The following AGBL4 variants were observed in gnomAD, a reference collection of about 807,000 sequenced individuals.
AGBL4 encodes the protein cytosolic carboxypeptidase 6.
In AGBL4, 58 loss-of-function variants were observed where a neutral mutation model predicts 66.4. The observed-to-expected ratio is 0.87, with a 90% CI of 0.71 to 1.09. The LOEUF is 1.09. Ranked by LOEUF, AGBL4 falls within the 50% of genes least tolerant of loss-of-function variation. The probability of loss-of-function intolerance (pLI) is 0.00; values close to 1 mark genes in which losing one functional copy is unlikely to be tolerated. For missense variants in AGBL4, 579 were observed against 631.0 expected (o/e 0.92, Z 0.88); for synonymous variants, 234 against 222.9 (o/e 1.05, Z -0.44).
At chr1:49,099,575 T>A (rs959011303) in intron 4 of AGBL4, among the ~76,000 whole-genome samples, 3 of 152,198 alleles carry the variant, frequency 2.0e-5, no homozygotes, top group Admixed American at 1.3e-4. Context: ...ATTACCAGAA[T>A]AACTTTGCCA....
intron 3 of AGBL4, among the ~76,000 whole-genome samples, chr1:49,697,069 G>T (rs1646999466): frequency 6.6e-6 from 1 of 152,038 alleles, no homozygotes; most frequent in Non-Finnish European, 1.5e-5. Flanking sequence ...TCATGCTAAT[G>T]CTTCAATCAG....
chr1:48,732,692 A>G (rs1017511352), intron 6 of AGBL4, among the ~76,000 whole-genome samples: 1 of 152,142 alleles, frequency 6.6e-6, no homozygotes, highest in Admixed American at 6.5e-5. Flanking sequence ...GAAGTGTGGT[A>G]TAAGATGAGG....
At chr1:48,688,851 G>T (rs1646576327) in intron 6 of AGBL4, among the ~76,000 whole-genome samples, 1 of 151,830 alleles carries the variant, frequency 6.6e-6, no homozygotes. Context: ...AAGAGGGAAG[G>T]GGAGCCTGTG....
At chr1:49,581,928 G>A (rs895572552) in intron 3 of AGBL4, among the ~76,000 whole-genome samples, 8 of 152,188 alleles carry the variant, frequency 5.3e-5, no homozygotes, top group African/African-American at 1.9e-4. Flanking sequence ...AGCAGCAGTG[G>A]TGAAGTGTTC....
intron 4 of AGBL4, among the ~76,000 whole-genome samples, chr1:49,215,977 G>A (rs1230977605): frequency 1.3e-5 from 2 of 152,088 alleles, no homozygotes. Context: ...AGTAGATACA[G>A]TATAAAACAT....
chr1:49,340,929 A>T (rs1645527517), intron 3 of AGBL4, among the ~76,000 whole-genome samples: 1 of 152,212 alleles, frequency 6.6e-6, no homozygotes, highest in Non-Finnish European at 1.5e-5. Context: ...AGTAATATAG[A>T]TTCCTGTGGA....
At chr1:49,887,082 G>A (rs1295024542) in intron 1 of AGBL4, among the ~76,000 whole-genome samples, 1 of 151,514 alleles carries the variant, frequency 6.6e-6, no homozygotes, top group Non-Finnish European at 1.5e-5. Flanking sequence ...CCTTCAAGGA[G>A]TATAGGCAAG....
chr1:48,693,880 G>A (rs566062759), intron 6 of AGBL4, among the ~76,000 whole-genome samples: 3 of 152,184 alleles, frequency 2.0e-5, no homozygotes, highest in African/African-American at 7.2e-5. Context: ...TACTGGGCAG[G>A]GCTCCAGGGG....
At chr1:49,419,866 G>C (rs2148640264) in intron 3 of AGBL4, among the ~76,000 whole-genome samples, 1 of 152,256 alleles carries the variant, frequency 6.6e-6, no homozygotes, top group East Asian at 1.9e-4. Flanking sequence ...GCTTAGGAGG[G>C]GATAGGATCC....
intron 1 of AGBL4, among the ~76,000 whole-genome samples, chr1:49,939,000 A>G (rs1159263704): frequency 6.6e-6 from 1 of 152,094 alleles, no homozygotes; most frequent in Non-Finnish European, 1.5e-5. Flanking sequence ...CAACTTCAGC[A>G]AAGTCTCAGG....
At chr1:48,974,988 T>C (rs4926778) in intron 5 of AGBL4, among the ~76,000 whole-genome samples, 1,668 of 152,212 alleles carry the variant, frequency 0.011, 54 homozygotes, top group Admixed American at 0.078. Flanking sequence ...CCACAGATCA[T>C]CCCAATGGTA....
chr1:48,911,513 T>C (rs1570982401), intron 5 of AGBL4, among the ~76,000 whole-genome samples: 1 of 150,124 alleles, frequency 6.7e-6, no homozygotes, highest in South Asian at 2.1e-4. Flanking sequence ...CCAGCTACTC[T>C]GGAGGCTGAG....
intron 2 of AGBL4, among the ~76,000 whole-genome samples, chr1:49,715,822 T>G (rs1395780610): frequency 1.3e-5 from 2 of 152,140 alleles, no homozygotes; most frequent in Non-Finnish European, 2.9e-5. Flanking sequence ...TTCTCATAAA[T>G]TTAAGTTCCT....
intron 2 of AGBL4, among the ~76,000 whole-genome samples, chr1:49,753,532 G>C (rs930009119): frequency 2.0e-5 from 3 of 152,102 alleles, no homozygotes; most frequent in African/African-American, 4.8e-5. Flanking sequence ...TGGTGGATCT[G>C]ACAATTATGT....
intron 4 of AGBL4, among the ~76,000 whole-genome samples, chr1:49,049,827 G>GA (rs1228066486): frequency 2.0e-5 from 3 of 151,652 alleles, no homozygotes; most frequent in African/African-American, 7.3e-5. Context: ...GATATCCATG[G>GA]AAAAATAAAA....
intron 2 of AGBL4, among the ~76,000 whole-genome samples, chr1:49,733,851 C>G (rs982373931): frequency 2.6e-5 from 4 of 151,980 alleles, no homozygotes; most frequent in Non-Finnish European, 5.9e-5. Flanking sequence ...ACTAATATGC[C>G]TCATAATAAT....
At chr1:48,694,149 C>T (rs571681864) in intron 6 of AGBL4, among the ~76,000 whole-genome samples, 2 of 151,260 alleles carry the variant, frequency 1.3e-5, no homozygotes, top group African/African-American at 4.9e-5. Context: ...AACACATGTA[C>T]AGGCAGTTGT....
intron 3 of AGBL4, among the ~76,000 whole-genome samples, chr1:49,521,656 C>T (rs757741060): frequency 1.1e-4 from 17 of 152,028 alleles, no homozygotes; most frequent in Non-Finnish European, 1.8e-4. Context: ...AAAAAACTAA[C>T]ACAACATGGA....
chr1:48,591,130 G>C (rs1262589908), intron 9 of AGBL4, 145 bp from the exon 10 acceptor site: 2 of 738,810 alleles, frequency 2.7e-6, no homozygotes, highest in Non-Finnish European at 4.0e-6. Flanking sequence ...CTGACCCTGT[G>C]TGTCAGCAGA....
Sources: allele counts gnomAD v4.1 joint callset (sites outside exome capture counted in the v4.1 genomes callset), GRCh38; gene constraint gnomAD v4.1.1; transcripts MANE v1.5; gene names NCBI Gene and HGNC (gene_info 2026-07-23, HGNC 2026-07-21).